Variants in ADD2 observed in about 807,000 individuals in gnomAD.
ADD2 encodes the protein beta-adducin.
In ADD2, 23 loss-of-function variants were observed where a neutral mutation model predicts 83.0. The ratio of observed to expected loss-of-function variants is 0.28; its 90% confidence interval spans 0.20 to 0.39. The LOEUF (loss-of-function observed/expected upper bound fraction) is 0.39. Among genes scored for constraint, ADD2 ranks in the 10% least tolerant of loss-of-function variants. The probability of loss-of-function intolerance (pLI) is 1.00; values close to 1 mark genes in which losing one functional copy is unlikely to be tolerated. For synonymous variants in ADD2, 375 were observed against 375.4 expected (o/e 1.00, Z 0.01); for missense variants, 758 against 944.9 (o/e 0.80, Z 2.59).
chr2:70,704,564 A>G, intron 3 of ADD2, 105 bp from the exon 4 acceptor site: 4 of 1,427,608 alleles, frequency 2.8e-6, no homozygotes, highest in Non-Finnish European at 3.8e-6. Context: ...CAGCTAGGTC[A>G]GGGCCATGCT....
intron 14 of ADD2, 97 bp downstream of exon 14, chr2:70,674,581 T>C: frequency 3.8e-6 from 5 of 1,307,002 alleles, no homozygotes; most frequent in Non-Finnish European, 5.3e-6. Flanking sequence ...GAAATATTCT[T>C]TGATGATGGG....
chr2:70,766,832 A>G (rs1341237624), intron 1 of ADD2, among the ~76,000 whole-genome samples: 1 of 152,244 alleles, frequency 6.6e-6, no homozygotes, highest in Non-Finnish European at 1.5e-5. Flanking sequence ...ATCTTAGACG[A>G]CAAACAGCAA....
chr2:70,701,554 A>G (rs1455187414), intron 4 of ADD2, among the ~76,000 whole-genome samples: 1 of 152,162 alleles, frequency 6.6e-6, no homozygotes, highest in Non-Finnish European at 1.5e-5. Flanking sequence ...TAAATGTTGA[A>G]ATGAAGGAAG....
chr2:70,692,373 C>A, intron 7 of ADD2, 30 bp downstream of exon 7: 1 of 1,510,408 alleles, frequency 6.6e-7, no homozygotes, highest in Non-Finnish European at 8.9e-7. Context: ...TTACGTCTTT[C>A]CTTGGGTGGC....
At position 70,676,439 on chromosome 2, in the gene ADD2, G is replaced by A; in HGVS notation, c.1593+357C>T. ...GAGACTCTCAGGGCTGGGCACACCT[G>A]GGGCACCTGGGAGTCTCCAGCCCCA... On this transcript the variant is annotated intron_variant, in intron 13 of 15. Coordinates refer to ENST00000264436, the MANE Select transcript of ADD2 (RefSeq NM_001617.4). The surrounding 1 kb of genome is among the most constrained non-coding windows in gnomAD (Gnocchi z 4.8). 2 of 1,231,328 alleles carry A rather than the reference G, an allele frequency of 1.6e-6. No individual in the cohort carries two copies. Among genetic ancestry groups the A allele is most frequent in the Non-Finnish European group, 1.0e-6 (1 of 981,952 alleles). 76.3% of individuals were successfully genotyped at this position (1,231,328 alleles called of 1,614,324 possible).
At chr2:70,747,708 T>G (rs1674294672) in intron 1 of ADD2, among the ~76,000 whole-genome samples, 1 of 152,238 alleles carries the variant, frequency 6.6e-6, no homozygotes, top group African/African-American at 2.4e-5. Context: ...CATTACCCTT[T>G]TCTTTATATC....
chr2:70,715,021 C>G (rs1672393090), intron 1 of ADD2, among the ~76,000 whole-genome samples: 1 of 152,166 alleles, frequency 6.6e-6, no homozygotes. Context: ...CACCAGAGCA[C>G]CATTCCTTGG....
intron 4 of ADD2, among the ~76,000 whole-genome samples, chr2:70,701,070 C>G (rs1328262773): frequency 2.6e-5 from 4 of 151,998 alleles, no homozygotes; most frequent in Non-Finnish European, 5.9e-5. Context: ...AAATTACAGT[C>G]ATGGTATCAA....
intron 15 of ADD2, among the ~76,000 whole-genome samples, chr2:70,669,137 G>C (rs1669796131): frequency 6.6e-6 from 1 of 152,204 alleles, no homozygotes; most frequent in African/African-American, 2.4e-5. Flanking sequence ...CAGAGCAGAG[G>C]GGAAGAAGAG....
At position 70,696,313 on chromosome 2, in the gene ADD2, T is replaced by G. The variant is rs782381501; in HGVS notation, c.406A>C (p.Lys136Gln). ...AGGAGTCGGTAGACACTGCTGATCTTGCACCGCATGAGCCGCTCCCCTTTG... is the reference window on the plus strand; with the variant it reads ...AGGAGTCGGTAGACACTGCTGATCTGGCACCGCATGAGCCGCTCCCCTTTG... ...LAKGERLMRCKISSVYRLLDL... is the reference protein window; with the variant it reads ...LAKGERLMRCQISSVYRLLDL... The change falls in exon 5 of 16, where the codon AAG becomes CAG. Residue 136 changes from lysine to glutamine, a missense_variant. This residue lies in a region of ADD2 where 175 missense variants were observed against 192.1 expected (regional missense o/e 0.91). Coordinates refer to ENST00000264436, the MANE Select transcript of ADD2 (RefSeq NM_001617.4). 6.2e-7 allele frequency: 1 copy of G among 1,613,846 alleles called. No individual in the cohort carries two copies. Among genetic ancestry groups the G allele is most frequent in the Non-Finnish European group, 8.5e-7 (1 of 1,179,986 alleles).
intron 7 of ADD2, among the ~76,000 whole-genome samples, chr2:70,692,005 A>G (rs1553371745): frequency 6.6e-6 from 1 of 151,800 alleles, no homozygotes; most frequent in Admixed American, 6.6e-5. Context: ...TCCGTCCCCT[A>G]CTCTCAGCCT....
At chr2:70,756,911 C>T (rs1482063356) in intron 1 of ADD2, among the ~76,000 whole-genome samples, 2 of 151,710 alleles carry the variant, frequency 1.3e-5, no homozygotes, top group African/African-American at 4.8e-5. Context: ...TCACTGCAAA[C>T]TCTGCCTCCC....
intron 1 of ADD2, among the ~76,000 whole-genome samples, chr2:70,748,293 A>ATT (rs1674334557): frequency 1.5e-5 from 1 of 67,578 alleles, no homozygotes; most frequent in Non-Finnish European, 3.0e-5. Context: ...ACACTGATAA[A>ATT]AAAAAAAAAA....
chr2:70,765,704 C>G (rs1558589384), intron 1 of ADD2, among the ~76,000 whole-genome samples: 1 of 152,196 alleles, frequency 6.6e-6, no homozygotes, highest in South Asian at 2.1e-4. Flanking sequence ...TTTGCTTATG[C>G]TGCAAGAAAG....
chr2:70,738,476 G>T (rs1293282890), intron 1 of ADD2, among the ~76,000 whole-genome samples: 2 of 152,166 alleles, frequency 1.3e-5, no homozygotes, highest in Admixed American at 6.5e-5. Flanking sequence ...GAAAGATAAA[G>T]CTTTATTCCA....
rs1269965836 is a variant in ADD2, at chr2:70,656,867, G to A, written c.*6558C>T. ...ACACATACAGAAATTCACGGGCAGA[G>A]ATGCCACCGCAGCATCACCGTCAGA... On this transcript the variant is annotated 3_prime_UTR_variant, in exon 16 of 16. Transcript: ENST00000264436. The A allele has an allele frequency of 6.6e-6, 1 of 152,158 alleles. No homozygotes were observed. Among genetic ancestry groups the A allele is most frequent in the African/African-American group, 2.4e-5 (1 of 41,418 alleles). The allele number at this position is 152,158 out of a possible 1,614,324, so 9.4% of individuals were successfully genotyped here. A position where few individuals can be genotyped will look rare whatever the true frequency, so the allele number is the denominator to read the frequency against.
At chr2:70,675,838 CAG>C in intron 13 of ADD2, 1 of 985,334 alleles carries the variant, frequency 1.0e-6, no homozygotes, top group Non-Finnish European at 1.2e-6. Context: ...GTATAAATGG[CAG>C]GGGAGATTTT....
chr2:70,704,264 C>CCCCCCCCCA, intron 4 of ADD2, 57 bp downstream of exon 4: 1 of 425,204 alleles, frequency 2.4e-6, no homozygotes, highest in Non-Finnish European at 4.8e-6. Flanking sequence ...TCCCTCTCTT[C>CCCCCCCCCA]CCCACCCCAC....
At chr2:70,720,628 T>C (rs1672688845) in intron 1 of ADD2, among the ~76,000 whole-genome samples, 1 of 152,212 alleles carries the variant, frequency 6.6e-6, no homozygotes, top group African/African-American at 2.4e-5. Context: ...GTATTTCCCA[T>C]TTCACTTATT....
Sources: allele counts gnomAD v4.1 joint callset (sites outside exome capture counted in the v4.1 genomes callset), GRCh38; gene constraint gnomAD v4.1.1; regional missense constraint gnomAD v4.1.1; non-coding constraint Gnocchi (gnomAD v3.1); transcripts MANE v1.5; gene names NCBI Gene and HGNC (gene_info 2026-07-23, HGNC 2026-07-21).